The following ISY1 variants were observed in gnomAD, a reference collection of about 807,000 sequenced individuals.
ISY1 encodes the protein ISY1 spliceosome associated protein, also known as pre-mRNA-splicing factor ISY1 homolog.
In ISY1, 12 loss-of-function variants were observed where a neutral mutation model predicts 54.4. That is an observed-to-expected ratio of 0.22 (90% confidence interval 0.14 to 0.36). The LOEUF (loss-of-function observed/expected upper bound fraction) is 0.36. Ranked by LOEUF, ISY1 falls within the 10% of genes least tolerant of loss-of-function variation. The pLI, the probability that ISY1 is intolerant of heterozygous loss-of-function variation, is 1.00. For synonymous variants in ISY1, 96 were observed against 117.9 expected (o/e 0.81, Z 1.20); for missense variants, 282 against 342.2 (o/e 0.82, Z 1.39).
At chr3:129,147,214 TA>T (rs1258898811) in intron 5 of ISY1, among the ~76,000 whole-genome samples, 1 of 151,764 alleles carries the variant, frequency 6.6e-6, no homozygotes, top group South Asian at 2.1e-4. Context: ...TTGTCTCTAC[TA>T]AAAATACAAA....
chr3:129,160,249 C>T lies in ISY1; in HGVS notation c.3+724G>A, dbSNP rs368362186. ...TTCCAATATATCTCTTATAACCTAACCATGACGCCCAGTGTTTCTTATAGG... is the reference window on the plus strand; with the variant it reads ...TTCCAATATATCTCTTATAACCTAATCATGACGCCCAGTGTTTCTTATAGG... On this transcript the variant is annotated intron_variant, in intron 1 of 10. Transcript: ENST00000393295. 3.9e-5 allele frequency among the ~76,000 whole-genome samples: 6 copies of T among 152,234 alleles called. No homozygotes were observed. The East Asian group carries it at 1.2e-3, about 29-fold the overall frequency.
intron 8 of ISY1, 77 bp from the exon 9 acceptor site, chr3:129,134,272 C>T: frequency 1.3e-6 from 2 of 1,599,292 alleles, no homozygotes; most frequent in Non-Finnish European, 1.7e-6. Flanking sequence ...AAGGCCAACA[C>T]TATGCAGGGA....
intron 5 of ISY1, among the ~76,000 whole-genome samples, chr3:129,155,059 A>G (rs1034898073): frequency 6.6e-6 from 1 of 151,478 alleles, no homozygotes; most frequent in Non-Finnish European, 1.5e-5. Flanking sequence ...AATGCTATTG[A>G]TTTCTTATCT....
At chr3:129,143,004 G>T (rs895437292) in intron 6 of ISY1, among the ~76,000 whole-genome samples, 1 of 151,908 alleles carries the variant, frequency 6.6e-6, no homozygotes, top group Non-Finnish European at 1.5e-5. Context: ...GCAGTGAGTC[G>T]AAATCACACT....
chr3:129,142,860 G>T (rs551229860), intron 6 of ISY1, among the ~76,000 whole-genome samples: 1 of 152,192 alleles, frequency 6.6e-6, no homozygotes, highest in Non-Finnish European at 1.5e-5. Flanking sequence ...TTCGAGACCA[G>T]CCTGGCCAAC....
At chr3:129,159,760 A>G (rs1034479046) in intron 1 of ISY1, among the ~76,000 whole-genome samples, 1 of 152,190 alleles carries the variant, frequency 6.6e-6, no homozygotes, top group Non-Finnish European at 1.5e-5. Context: ...TCCACTTACC[A>G]TCTGTGAGAA....
At chr3:129,147,759 C>T (rs1297715436) in intron 5 of ISY1, among the ~76,000 whole-genome samples, 2 of 152,192 alleles carry the variant, frequency 1.3e-5, no homozygotes, top group South Asian at 2.1e-4. Context: ...AAAACATTCC[C>T]TTATGCATCA....
chr3:129,153,959 T>C (rs796297164), intron 5 of ISY1, among the ~76,000 whole-genome samples: 18 of 150,744 alleles, frequency 1.2e-4, no homozygotes, highest in African/African-American at 3.9e-4. Flanking sequence ...TTACAAAAAT[T>C]TGGCTGGGCG....
chr3:129,130,662 A>T (rs1936213360), intron 9 of ISY1, 26 bp from the exon 10 acceptor site: 1 of 1,613,378 alleles, frequency 6.2e-7, no homozygotes, highest in Admixed American at 1.7e-5. Flanking sequence ...ACGAAAGTCC[A>T]TCAGTAGGCG....
intron 4 of ISY1, 44 bp from the exon 5 acceptor site, chr3:129,156,719 T>G: frequency 1.3e-6 from 2 of 1,567,804 alleles, no homozygotes; most frequent in Non-Finnish European, 8.7e-7. Context: ...TTGAATATGT[T>G]AGAAAGCACA....
At chr3:129,140,239 G>C (rs1416602204) in intron 7 of ISY1, 129 bp downstream of exon 7, 2 of 794,434 alleles carry the variant, frequency 2.5e-6, no homozygotes, top group African/African-American at 3.5e-5. Flanking sequence ...TAAAATCTGG[G>C]AACAATAATT....
At position 129,145,868 on chromosome 3, in the gene ISY1, A is replaced by C; in HGVS notation, c.193T>G (p.Leu65Val). 2 of 1,614,184 alleles carry C rather than the reference A, an allele frequency of 1.2e-6. No individual in the cohort carries two copies. The highest frequency in any genetic ancestry group is 8.5e-7 in the Non-Finnish European group (1 of 1,180,014). ...KKVAQIQNAG[L>V]GEFRIRDLND... is the part of the protein sequence containing the mutation. ...AGGTCACGAATTCGAAATTCACCTAAACCAGCTAGAAAACAAAAAGGTTAA... is the reference window on the plus strand; with the variant it reads ...AGGTCACGAATTCGAAATTCACCTACACCAGCTAGAAAACAAAAAGGTTAA... The change falls in exon 6 of 11, where the codon TTA becomes GTA. Residue 65 changes from leucine (L) to valine (V), a missense_variant. By Grantham distance (32) the Leu-to-Val change is conservative. Coordinates refer to ENST00000393295, the MANE Select transcript of ISY1 (RefSeq NM_020701.4).
At chr3:129,158,422 G>C in intron 3 of ISY1, 86 bp downstream of exon 3, 2 of 1,576,746 alleles carry the variant, frequency 1.3e-6, no homozygotes, top group East Asian at 4.5e-5. Flanking sequence ...GCCTCCCCAA[G>C]TATTGGGATT....
intron 5 of ISY1, among the ~76,000 whole-genome samples, chr3:129,154,258 A>C (rs1369309359): frequency 3.4e-4 from 51 of 149,666 alleles, no homozygotes; most frequent in African/African-American, 1.2e-3. Context: ...AAAAAAAAAA[A>C]AAAAAAATTA....
At chr3:129,157,699 C>T (rs368049765) in intron 3 of ISY1, among the ~76,000 whole-genome samples, 47 of 132,698 alleles carry the variant, frequency 3.5e-4, no homozygotes, top group African/African-American at 1.3e-3. Context: ...CCAGCCTGAG[C>T]GACAGAGCGT....
Position 129,151,154 on chromosome 3 carries a change from A to AAAT in ISY1, c.188-5282_188-5281insATT, listed in dbSNP as rs1380377828. ...AATATATATATATATAAATATATAA[A>AAAT]ATATATAAATATATAAAAATATATA... On this transcript the variant is annotated intron_variant, in intron 5 of 10. Transcript: ENST00000393295. Among the ~76,000 whole-genome samples, 624 of 147,366 alleles carry AAAT rather than the reference A, an allele frequency of 4.2e-3. 3 individuals are homozygous for AAAT. Among genetic ancestry groups the AAAT allele is most frequent in the African/African-American group, 6.1e-3 (247 of 40,702 alleles).
At chr3:129,147,376 C>T (rs1936798035) in intron 5 of ISY1, among the ~76,000 whole-genome samples, 1 of 151,432 alleles carries the variant, frequency 6.6e-6, no homozygotes, top group Admixed American at 6.6e-5. Context: ...GACTGTCTCA[C>T]AAAAAATAAA....
At chr3:129,134,042 C>T in intron 9 of ISY1, 32 bp downstream of exon 9, 3 of 1,612,918 alleles carry the variant, frequency 1.9e-6, no homozygotes, top group Non-Finnish European at 2.5e-6. Flanking sequence ...GAACAGATGG[C>T]AGTGAGTGCC....
intron 5 of ISY1, among the ~76,000 whole-genome samples, chr3:129,151,130 A>C (rs1560021222): frequency 6.8e-6 from 1 of 146,244 alleles, no homozygotes; most frequent in Non-Finnish European, 1.5e-5. Flanking sequence ...TCAAAAAAAA[A>C]TATATATATA....
Sources: gnomAD v4.1 joint callset for allele counts (sites outside exome capture counted in the v4.1 genomes callset) on GRCh38, gnomAD v4.1.1 for gene constraint, MANE v1.5 for transcripts, NCBI Gene and HGNC (gene_info 2026-07-23, HGNC 2026-07-21) for gene names.